The following RNF180 variants were observed in gnomAD, a reference collection of about 807,000 sequenced individuals.
RNF180 encodes the protein E3 ubiquitin-protein ligase RNF180.
Under a neutral mutation model 59.2 loss-of-function variants are expected in RNF180, and 38 were observed. That is an observed-to-expected ratio of 0.64 (90% CI 0.50 to 0.84). The LOEUF is 0.84. Among genes scored for constraint, RNF180 ranks in the 40% least tolerant of loss-of-function variants. The pLI is 0.00. For missense variants in RNF180, 705 were observed against 700.9 expected (o/e 1.01, Z -0.07); for synonymous variants, 262 against 240.3 (o/e 1.09, Z -0.84).
intron 5 of RNF180, among the ~76,000 whole-genome samples, chr5:64,310,982 A>G (rs1457343474): frequency 6.6e-6 from 1 of 151,968 alleles, no homozygotes; most frequent in East Asian, 1.9e-4. Context: ...GTGAACAACT[A>G]TAAGTAAATG....
chr5:64,167,041 C>T (rs1300255441), intron 1 of RNF180, among the ~76,000 whole-genome samples: 5 of 152,298 alleles, frequency 3.3e-5, no homozygotes, highest in African/African-American at 1.2e-4. Flanking sequence ...TGAGTGGTAT[C>T]ATTTGAGTCG....
In RNF180 at chr5:64,280,219, T is replaced by G. The variant is rs1463023470; in HGVS notation, c.1228-44967T>G. ...CTTTCAGATTCTGGATATTAGACCTTTGTTGGATGCATAGTTTGCAAATAT... is the reference window on the plus strand; with the variant it reads ...CTTTCAGATTCTGGATATTAGACCTGTGTTGGATGCATAGTTTGCAAATAT... On this transcript the variant is annotated intron_variant, in intron 5 of 7. Transcript: ENST00000389100. 2.6e-5 allele frequency among the ~76,000 whole-genome samples: 4 copies of G among 152,326 alleles called. No homozygotes were observed. In the East Asian group the frequency reaches 7.7e-4, roughly 29 times the overall value.
chr5:64,248,558 A>G (rs1172208053), intron 5 of RNF180, among the ~76,000 whole-genome samples: 5 of 152,226 alleles, frequency 3.3e-5, no homozygotes, highest in Admixed American at 6.5e-5. Flanking sequence ...ACAATGAGGT[A>G]CCATCTCACA....
At chr5:64,262,023 C>G (rs1241156784) in intron 5 of RNF180, among the ~76,000 whole-genome samples, 1 of 152,086 alleles carries the variant, frequency 6.6e-6, no homozygotes, top group Non-Finnish European at 1.5e-5. Context: ...TATCCCTGTT[C>G]TCAAGAACTT....
At chr5:64,256,986 T>C (rs1561222094) in intron 5 of RNF180, among the ~76,000 whole-genome samples, 2 of 152,238 alleles carry the variant, frequency 1.3e-5, no homozygotes, top group Non-Finnish European at 2.9e-5. Flanking sequence ...AGTTCACTCC[T>C]GATTTGGCTC....
At chr5:64,223,860 G>T (rs969475586) in intron 5 of RNF180, among the ~76,000 whole-genome samples, 24 of 152,180 alleles carry the variant, frequency 1.6e-4, no homozygotes, top group South Asian at 4.2e-4. Flanking sequence ...TGGAAGTAGA[G>T]GGGGGGAGAC....
rs540566977 is a variant in RNF180 at position 64,293,147 on chromosome 5, C to T, written c.1228-32039C>T. Among the ~76,000 whole-genome samples, 9 of 152,298 alleles carry T rather than the reference C, an allele frequency of 5.9e-5. No individual in the cohort carries two copies. The South Asian group carries it at 1.5e-3, about 25-fold the overall frequency. ...CTCCTGATCTGTGGGTTGCAAAGAT[C>T]CATGGGAGGAGTGTGGTTTCCCAGG... On this transcript the variant is annotated intron_variant, in intron 5 of 7. Coordinates refer to ENST00000389100, the MANE Select transcript of RNF180 (RefSeq NM_001113561.2).
chr5:64,359,932 G>T (rs1300236989), intron 7 of RNF180, among the ~76,000 whole-genome samples: 2 of 152,016 alleles, frequency 1.3e-5, no homozygotes, highest in Non-Finnish European at 2.9e-5. Context: ...GTTTGTCAAA[G>T]ATCAGATAGT....
chr5:64,262,560 G>A (rs1381262042), intron 5 of RNF180, among the ~76,000 whole-genome samples: 1 of 151,906 alleles, frequency 6.6e-6, no homozygotes, highest in Non-Finnish European at 1.5e-5. Context: ...ACCAGTAACA[G>A]GCTGTTAAAT....
chr5:64,279,653 A>T (rs1449397534), intron 5 of RNF180, among the ~76,000 whole-genome samples: 1 of 152,164 alleles, frequency 6.6e-6, no homozygotes, highest in Non-Finnish European at 1.5e-5. Flanking sequence ...ACTTTTTTAT[A>T]TCAGTTAATT....
intron 5 of RNF180, among the ~76,000 whole-genome samples, chr5:64,285,832 G>T (rs1001639698): frequency 6.6e-6 from 1 of 152,128 alleles, no homozygotes; most frequent in African/African-American, 2.4e-5. Context: ...CCCTGGCCCT[G>T]CTCCACTGTA....
chr5:64,361,961 C>G (rs1255818833), intron 7 of RNF180, among the ~76,000 whole-genome samples: 1 of 151,228 alleles, frequency 6.6e-6, no homozygotes, highest in Non-Finnish European at 1.5e-5. Flanking sequence ...GTTTGTGATC[C>G]TCATAAGCTC....
intron 7 of RNF180, among the ~76,000 whole-genome samples, chr5:64,358,560 A>G (rs1026231116): frequency 1.3e-5 from 2 of 151,806 alleles, no homozygotes; most frequent in African/African-American, 4.8e-5. Flanking sequence ...ATTGATAGGT[A>G]TTTTTAAATC....
chr5:64,261,372 A>T (rs1744330613), intron 5 of RNF180, among the ~76,000 whole-genome samples: 1 of 152,126 alleles, frequency 6.6e-6, no homozygotes, highest in Admixed American at 6.6e-5. Context: ...AAAATCCTCA[A>T]GCCTGGGTAA....
intron 5 of RNF180, among the ~76,000 whole-genome samples, chr5:64,318,446 T>C (rs1032376927): frequency 1.3e-5 from 2 of 152,174 alleles, no homozygotes; most frequent in Admixed American, 1.3e-4. Flanking sequence ...AATTTAAAAC[T>C]TATGAATTGC....
chr5:64,278,898 G>C (rs1328220717), intron 5 of RNF180, among the ~76,000 whole-genome samples: 1 of 152,128 alleles, frequency 6.6e-6, no homozygotes, highest in African/African-American at 2.4e-5. Context: ...GGGATTGCAG[G>C]TGTGAGCTGC....
chr5:64,360,600 A>G (rs1746216854), intron 7 of RNF180, among the ~76,000 whole-genome samples: 1 of 151,818 alleles, frequency 6.6e-6, no homozygotes, highest in African/African-American at 2.4e-5. Flanking sequence ...TTCAATTAGG[A>G]AAAGAGGAAG....
At chr5:64,272,336 G>A (rs1312159327) in intron 5 of RNF180, among the ~76,000 whole-genome samples, 4 of 151,922 alleles carry the variant, frequency 2.6e-5, no homozygotes, top group African/African-American at 4.8e-5. Context: ...AAGTATGAGG[G>A]CCAAACATTA....
intron 5 of RNF180, among the ~76,000 whole-genome samples, chr5:64,220,690 T>A (rs1741277172): frequency 6.6e-6 from 1 of 152,122 alleles, no homozygotes; most frequent in Non-Finnish European, 1.5e-5. Flanking sequence ...ACTATATTTG[T>A]ATTTCTTACC....
Sources: gnomAD v4.1 joint callset for allele counts (sites outside exome capture counted in the v4.1 genomes callset) on GRCh38, gnomAD v4.1.1 for gene constraint, MANE v1.5 for transcripts, NCBI Gene and HGNC (gene_info 2026-07-23, HGNC 2026-07-21) for gene names.